The following MTF2 variants were observed in gnomAD, a reference collection of about 807,000 sequenced individuals.
MTF2 encodes the protein metal response element binding transcription factor 2.
Under a neutral mutation model 79.5 loss-of-function variants are expected in MTF2, and 11 were observed. The observed-to-expected ratio is 0.14, with a 90% CI of 0.09 to 0.23. MTF2 has a LOEUF of 0.23. Among genes scored for constraint, MTF2 ranks in the 10% least tolerant of loss-of-function variants. The probability of loss-of-function intolerance (pLI) is 1.00; values close to 1 mark genes in which losing one functional copy is unlikely to be tolerated. For missense variants in MTF2, 486 were observed against 711.2 expected, an observed-to-expected ratio of 0.68 and a Z score of 3.60; for synonymous variants, 208 against 232.8, an observed-to-expected ratio of 0.89 and a Z score of 0.97.
intron 3 of MTF2, among the ~76,000 whole-genome samples, chr1:93,114,369 C>T (rs1420027706): frequency 1.3e-5 from 2 of 152,218 alleles, no homozygotes; most frequent in Non-Finnish European, 2.9e-5. Flanking sequence ...TCTCTATCTG[C>T]TGTCGCCCAT....
intron 3 of MTF2, among the ~76,000 whole-genome samples, chr1:93,112,410 C>T (rs1656067292): frequency 6.6e-6 from 1 of 152,014 alleles, no homozygotes; most frequent in Middle Eastern, 3.4e-3. Flanking sequence ...TATTAGTAGT[C>T]AACAGGGTGA....
intron 14 of MTF2, among the ~76,000 whole-genome samples, chr1:93,136,092 G>A (rs1034990856): frequency 6.6e-6 from 1 of 152,118 alleles, no homozygotes; most frequent in Non-Finnish European, 1.5e-5. Context: ...CACTCATTAA[G>A]TTCATGAACA....
At chr1:93,082,378 G>A (rs913806316) in intron 1 of MTF2, among the ~76,000 whole-genome samples, 3 of 151,646 alleles carry the variant, frequency 2.0e-5, no homozygotes, top group East Asian at 1.9e-4. Context: ...ACTCTTGGGC[G>A]GAAGTGATCC....
chr1:93,080,913 C>G (rs911904468), intron 1 of MTF2: 1 of 151,960 alleles, frequency 6.6e-6, no homozygotes, highest in African/African-American at 2.4e-5. Flanking sequence ...TTTAAGTGCC[C>G]TATAGTTTAG....
chr1:93,079,555 C>G (rs1225828826), intron 1 of MTF2, 24 bp downstream of exon 1: 1 of 1,611,422 alleles, frequency 6.2e-7, no homozygotes. Flanking sequence ...GCCTGGGAAC[C>G]GACTCTTCCG....
intron 1 of MTF2, among the ~76,000 whole-genome samples, chr1:93,098,454 A>AG (rs1320360795): frequency 2.6e-4 from 40 of 152,200 alleles, no homozygotes; most frequent in Non-Finnish European, 1.5e-5. Context: ...CTCTCTTAAC[A>AG]CCTGGCATGG....
At chr1:93,103,851 A>G (rs1655650369) in intron 1 of MTF2, among the ~76,000 whole-genome samples, 1 of 152,212 alleles carries the variant, frequency 6.6e-6, no homozygotes. Context: ...GAGTTGTGAC[A>G]TTATGGGTAA....
intron 1 of MTF2, among the ~76,000 whole-genome samples, chr1:93,088,556 T>C (rs1218583921): frequency 1.3e-5 from 2 of 152,206 alleles, no homozygotes; most frequent in African/African-American, 4.8e-5. Flanking sequence ...TATATTATAT[T>C]TAACAGTGTC....
chr1:93,114,405 G>A (rs544661019), intron 3 of MTF2, among the ~76,000 whole-genome samples: 1 of 152,312 alleles, frequency 6.6e-6, no homozygotes, highest in East Asian at 1.9e-4. Flanking sequence ...TCACCTTTAA[G>A]AGTGGGAATA....
chr1:93,090,803 A>G (rs1191122460), intron 1 of MTF2, among the ~76,000 whole-genome samples: 2 of 151,468 alleles, frequency 1.3e-5, no homozygotes, highest in Non-Finnish European at 2.9e-5. Context: ...AGCTGGGACT[A>G]TAGGCACCCG....
In MTF2 at chr1:93,116,927, A is replaced by AT. The variant is rs527968113; in HGVS notation, c.632+1311dup. Among the ~76,000 whole-genome samples the AT allele has an allele frequency of 5.6e-4, 85 of 152,334 alleles. 1 individual carries two copies. Among genetic ancestry groups the AT allele is most frequent in the Admixed American group, 5.4e-3 (83 of 15,294 alleles). On this transcript the variant is annotated intron_variant, in intron 6 of 14. Coordinates refer to ENST00000370298, the MANE Select transcript of MTF2 (RefSeq NM_007358.4). Reference sequence around the variant, plus strand: ...GTCAGAACACATGCAACATTTAGTGATTAAGTTTGCCATCTTAGGTGGGCA... The same window carrying AT: ...GTCAGAACACATGCAACATTTAGTGATTTAAGTTTGCCATCTTAGGTGGGCA...
chr1:93,093,419 G>T (rs1026850775), intron 1 of MTF2, among the ~76,000 whole-genome samples: 2 of 152,076 alleles, frequency 1.3e-5, no homozygotes, highest in African/African-American at 4.8e-5. Context: ...TTTTCTTAGA[G>T]ATATCCTCCT....
At chr1:93,110,726 A>G in intron 3 of MTF2, 100 bp downstream of exon 3, 1 of 945,532 alleles carries the variant, frequency 1.1e-6, no homozygotes, top group Non-Finnish European at 1.6e-6. Context: ...GTGTATTTAG[A>G]TAACTCAGTA....
intron 7 of MTF2, among the ~76,000 whole-genome samples, chr1:93,118,655 T>A (rs1220573162): frequency 6.6e-6 from 1 of 152,208 alleles, no homozygotes; most frequent in Non-Finnish European, 1.5e-5. Context: ...AGTGATTACA[T>A]TTGCTCCTAT....
At chr1:93,128,196 G>A (rs1656776243) in intron 10 of MTF2, among the ~76,000 whole-genome samples, 1 of 152,134 alleles carries the variant, frequency 6.6e-6, no homozygotes, top group African/African-American at 2.4e-5. Context: ...TCAGTTTAGG[G>A]TACCAGAAAT....
Position 93,128,296 on chromosome 1 carries a change from A to G in MTF2, c.990-982A>G, listed in dbSNP as rs189490249. On this transcript the variant is annotated intron_variant, in intron 10 of 14. Transcript: ENST00000370298. ...ATTTTGGTTGGGCGTGGTGGCTCACACCTGTAATCCCAGCACTTTGGGAAG... is the reference window on the plus strand; with the variant it reads ...ATTTTGGTTGGGCGTGGTGGCTCACGCCTGTAATCCCAGCACTTTGGGAAG... 2.7e-3 allele frequency among the ~76,000 whole-genome samples: 414 copies of G among 152,090 alleles called. 2 individuals are homozygous for G. The highest frequency in any genetic ancestry group is 5.8e-3 in the Admixed American group (89 of 15,266).
intron 3 of MTF2, among the ~76,000 whole-genome samples, chr1:93,110,922 C>T (rs1167501983): frequency 1.3e-5 from 2 of 152,166 alleles, no homozygotes; most frequent in Admixed American, 6.5e-5. Flanking sequence ...TTCAATTCAA[C>T]TGTTGCTTGC....
chr1:93,093,821 C>T (rs1655170913), intron 1 of MTF2, among the ~76,000 whole-genome samples: 1 of 152,142 alleles, frequency 6.6e-6, no homozygotes. Context: ...GATCCTCCTG[C>T]CTCAGCCTCT....
At chr1:93,120,389 T>G in intron 8 of MTF2, 160 bp from the exon 9 acceptor site, 1 of 530,804 alleles carries the variant, frequency 1.9e-6, no homozygotes, top group Non-Finnish European at 3.1e-6. Flanking sequence ...GTCACTATTT[T>G]CTAGTTATTT....
Sources: gnomAD v4.1 joint callset for allele counts (sites outside exome capture counted in the v4.1 genomes callset) on GRCh38, gnomAD v4.1.1 for gene constraint, MANE v1.5 for transcripts, NCBI Gene and HGNC (gene_info 2026-07-23, HGNC 2026-07-21) for gene names.